NR2F1-AS1: variants seen among roughly 807,000 people sequenced by gnomAD.
The protein encoded by NR2F1-AS1 is NR2F1 antisense RNA 1.
At chr5:93,442,420 CG>C (rs1561438902) in intron 4 of NR2F1-AS1, among the ~76,000 whole-genome samples, 1 of 152,174 alleles carries the variant, frequency 6.6e-6, no homozygotes, top group East Asian at 1.9e-4. Context: ...GAGGGTCCCA[CG>C]CCCATGGAGC....
At chr5:93,443,662 AAG>A (rs1749625039) in intron 4 of NR2F1-AS1, among the ~76,000 whole-genome samples, 1 of 152,218 alleles carries the variant, frequency 6.6e-6, no homozygotes. Context: ...CCAATCTAGA[AAG>A]ACAGGCCAAT....
At chr5:93,417,265 T>C (rs1748986649) in intron 4 of NR2F1-AS1, among the ~76,000 whole-genome samples, 1 of 152,210 alleles carries the variant, frequency 6.6e-6, no homozygotes, top group African/African-American at 2.4e-5. Context: ...TTTCATAAAT[T>C]CCAAATTTAG....
chr5:93,450,739 A>G (rs1432304301), intron 4 of NR2F1-AS1, among the ~76,000 whole-genome samples: 1 of 151,746 alleles, frequency 6.6e-6, no homozygotes, highest in Non-Finnish European at 1.5e-5. Context: ...AAGGTTTCTC[A>G]GAACTTGTAT....
At chr5:93,439,606 T>C (rs1389331943) in intron 4 of NR2F1-AS1, among the ~76,000 whole-genome samples, 2 of 152,202 alleles carry the variant, frequency 1.3e-5, no homozygotes, top group African/African-American at 4.8e-5. Flanking sequence ...GGCTTTTCTT[T>C]TAAAATGTCT....
At chr5:93,565,764 T>G (rs1752603433) in intron 1 of NR2F1-AS1, among the ~76,000 whole-genome samples, 2 of 151,808 alleles carry the variant, frequency 1.3e-5, no homozygotes, top group Non-Finnish European at 2.9e-5. Flanking sequence ...AATATTCTCC[T>G]GCTGAGTTTA....
intron 4 of NR2F1-AS1, among the ~76,000 whole-genome samples, chr5:93,441,256 T>C (rs1307980904): frequency 6.6e-6 from 1 of 152,216 alleles, no homozygotes; most frequent in East Asian, 1.9e-4. Context: ...AAGACCTTTA[T>C]CTTTGCCCAC....
At chr5:93,482,440 G>A (rs249256) in intron 4 of NR2F1-AS1, among the ~76,000 whole-genome samples, 150 of 152,166 alleles carry the variant, frequency 9.9e-4, no homozygotes, top group Middle Eastern at 6.8e-3. Flanking sequence ...CTTTTCCCAC[G>A]GTCTTCATAA....
chr5:93,559,595 C>G (rs1021760821), intron 2 of NR2F1-AS1, among the ~76,000 whole-genome samples: 15 of 152,194 alleles, frequency 9.9e-5, no homozygotes, highest in Non-Finnish European at 2.1e-4. Flanking sequence ...TAGCTTTTGA[C>G]TTAAAGTAAA....
At chr5:93,562,733 T>C (rs1752522025) in intron 2 of NR2F1-AS1, among the ~76,000 whole-genome samples, 1 of 152,198 alleles carries the variant, frequency 6.6e-6, no homozygotes, top group Non-Finnish European at 1.5e-5. Context: ...TCCGTTAAAT[T>C]ATTAGCAAAA....
At chr5:93,527,657 C>T (rs1368409312) in intron 4 of NR2F1-AS1, among the ~76,000 whole-genome samples, 2 of 152,090 alleles carry the variant, frequency 1.3e-5, no homozygotes, top group African/African-American at 4.8e-5. Context: ...AGATATAGAC[C>T]AATGGAACAG....
At chr5:93,548,739 C>T (rs1475684311) in intron 4 of NR2F1-AS1, among the ~76,000 whole-genome samples, 3 of 151,788 alleles carry the variant, frequency 2.0e-5, no homozygotes, top group Admixed American at 2.0e-4. Flanking sequence ...GGTGTAGTGG[C>T]ACATGCCTGT....
At chr5:93,440,235 C>CAG (rs1173079949) in intron 4 of NR2F1-AS1, among the ~76,000 whole-genome samples, 2 of 151,690 alleles carry the variant, frequency 1.3e-5, no homozygotes, top group African/African-American at 4.9e-5. Context: ...CACACACACA[C>CAG]AGAGAAAGTT....
rs184255704 is a variant in NR2F1-AS1, at chr5:93,485,659, A to T, written n.638+68102T>A. On this transcript the variant is annotated intron_variant and non_coding_transcript_variant, in intron 4 of 5. Transcript: ENST00000660523. Reference sequence around the variant, plus strand: ...ACATGAAAAACCCTTCAAAAAGTCAATGAATTGACTGTAAACTAGTTCAAA... The same window carrying T: ...ACATGAAAAACCCTTCAAAAAGTCATTGAATTGACTGTAAACTAGTTCAAA... Among the ~76,000 whole-genome samples the T allele has an allele frequency of 7.9e-5, 12 of 152,318 alleles. No individual in the cohort carries two copies. The East Asian group carries it at 2.3e-3, about 29-fold the overall frequency.
chr5:93,550,023 G>GTTAA (rs947486589), intron 4 of NR2F1-AS1, among the ~76,000 whole-genome samples: 6 of 151,878 alleles, frequency 4.0e-5, no homozygotes, highest in African/African-American at 1.5e-4. Flanking sequence ...TAAATGACTG[G>GTTAA]TTAATGGGTG....
chr5:93,583,417 C>T (rs564435378), upstream of NR2F1-AS1: 2 of 150,426 alleles, frequency 1.3e-5, no homozygotes, highest in Admixed American at 1.3e-4. Flanking sequence ...TCTTTTCTTA[C>T]ATATTCTACT....
Position 93,467,922 on chromosome 5 carries a change from C to T in NR2F1-AS1, n.639-72380G>A, listed in dbSNP as rs1445106382. On this transcript the variant is annotated intron_variant and non_coding_transcript_variant, in intron 4 of 5. Coordinates refer to ENST00000660523, the Ensembl canonical transcript of NR2F1-AS1. ...AACATGCAGTGTTTGGTTTTCTGTC[C>T]TTGTGATAGTTTGCTGAGAATGGTG... Among the ~76,000 whole-genome samples, 4 of 152,140 alleles carry T rather than the reference C, an allele frequency of 2.6e-5. No homozygotes were observed. The East Asian group carries it at 7.7e-4, about 29-fold the overall frequency.
At chr5:93,533,997 C>G (rs1003769092) in intron 4 of NR2F1-AS1, among the ~76,000 whole-genome samples, 2 of 152,094 alleles carry the variant, frequency 1.3e-5, no homozygotes, top group African/African-American at 4.8e-5. Flanking sequence ...GCACGAGAAT[C>G]CCTTGAACCC....
chr5:93,472,379 C>T (rs1228562293), intron 4 of NR2F1-AS1, among the ~76,000 whole-genome samples: 2 of 151,614 alleles, frequency 1.3e-5, no homozygotes, highest in South Asian at 2.1e-4. Flanking sequence ...CAAGATAATG[C>T]CTAATATCTT....
intron 1 of NR2F1-AS1, among the ~76,000 whole-genome samples, chr5:93,568,468 A>G (rs182185883): frequency 4.4e-4 from 67 of 152,340 alleles, no homozygotes; most frequent in Admixed American, 2.0e-3. Context: ...ACAAAGTCAC[A>G]GTGCATTACT....
Sources: gnomAD v4.1 joint callset for allele counts (sites outside exome capture counted in the v4.1 genomes callset) on GRCh38, gnomAD v4.1.1 for gene constraint, MANE v1.5 for transcripts, NCBI Gene and HGNC (gene_info 2026-07-23, HGNC 2026-07-21) for gene names.